COL5A1: variants seen among roughly 807,000 people sequenced by gnomAD.
COL5A1 encodes collagen alpha-1(V) chain.
COL5A1 carries 16 observed loss-of-function variants against 263.7 expected under a neutral mutation model. The ratio of observed to expected loss-of-function variants is 0.06; its 90% confidence interval spans 0.04 to 0.09. COL5A1 has a LOEUF of 0.09. COL5A1 is among the 10% of genes least tolerant of loss of function. The probability of loss-of-function intolerance (pLI) is 1.00; values close to 1 mark genes in which losing one functional copy is unlikely to be tolerated. For synonymous variants in COL5A1, 1,012 were observed against 1,004.5 expected (o/e 1.01, Z -0.14); for missense variants, 2,036 against 2,540.5 (o/e 0.80, Z 4.27).
chr9:134,751,520 G>T (rs971714972), intron 13 of COL5A1, among the ~76,000 whole-genome samples: 1 of 152,212 alleles, frequency 6.6e-6, no homozygotes, highest in Non-Finnish European at 1.5e-5. Context: ...CTCACTCTCA[G>T]CCTGGGGGGT....
chr9:134,813,839 G>C, intron 48 of COL5A1, 144 bp from the exon 49 acceptor site: 1 of 787,346 alleles, frequency 1.3e-6, no homozygotes, highest in Non-Finnish European at 2.2e-6. Context: ...GAGTGTGTGG[G>C]GACAGCACTC....
intron 1 of COL5A1, among the ~76,000 whole-genome samples, chr9:134,674,878 C>T (rs1362741118): frequency 6.7e-6 from 1 of 150,276 alleles, no homozygotes; most frequent in Non-Finnish European, 1.5e-5. Context: ...GAGACTCCAT[C>T]TCAAAAAAAA....
intron 19 of COL5A1, among the ~76,000 whole-genome samples, chr9:134,763,431 C>A (rs1836542687): frequency 6.6e-6 from 1 of 152,238 alleles, no homozygotes; most frequent in South Asian, 2.1e-4. Context: ...TCTTTCTGCC[C>A]AGCCTTTCCT....
At chr9:134,668,811 C>G (rs1398445915) in intron 1 of COL5A1, among the ~76,000 whole-genome samples, 4 of 152,104 alleles carry the variant, frequency 2.6e-5, no homozygotes, top group Non-Finnish European at 4.4e-5. Flanking sequence ...GTTCATCCAC[C>G]TGTCCACCCA....
intron 37 of COL5A1, among the ~76,000 whole-genome samples, 184 bp downstream of exon 37, chr9:134,798,645 G>A (rs898044872): frequency 2.4e-5 from 1 of 41,364 alleles, no homozygotes; most frequent in Non-Finnish European, 5.2e-5. Flanking sequence ...TGTGAGGCAG[G>A]GCCAGGGCAG....
At chr9:134,656,233 G>C (rs1229365736) in intron 1 of COL5A1, among the ~76,000 whole-genome samples, 1 of 152,104 alleles carries the variant, frequency 6.6e-6, no homozygotes, top group Non-Finnish European at 1.5e-5. Context: ...CCAGTTGAGG[G>C]TACTTTGGGA....
intron 4 of COL5A1, among the ~76,000 whole-genome samples, chr9:134,702,273 C>A (rs1419374221): frequency 6.6e-6 from 1 of 152,182 alleles, no homozygotes; most frequent in East Asian, 1.9e-4. Flanking sequence ...AAAACCTGTT[C>A]GAAAGCCACT....
At position 134,842,647 on chromosome 9, in the gene COL5A1, T is replaced by C. The variant is rs537953574; in HGVS notation, c.*344T>C. 1 of 419,458 alleles carries C rather than the reference T, an allele frequency of 2.4e-6. No individual in the cohort carries two copies. The highest frequency in any genetic ancestry group is 4.3e-5 in the East Asian group (1 of 23,138). The allele number at this position is 419,458 out of a possible 1,614,324, so 26.0% of individuals were successfully genotyped here. ...CCTGTTCGTGAATAGGTCTCAGGGGTTGGGGGAGGGACTGCCAGATTTGGA... is the reference window on the plus strand; with the variant it reads ...CCTGTTCGTGAATAGGTCTCAGGGGCTGGGGGAGGGACTGCCAGATTTGGA... On this transcript the variant is annotated 3_prime_UTR_variant, in exon 66 of 66. Transcript: ENST00000371817. The surrounding 1 kb of genome is among the most constrained non-coding windows in gnomAD (Gnocchi z 5.8).
rs374020067 is a variant in COL5A1, at chr9:134,732,083, C to T, written c.1345C>T (p.Arg449Trp). 100 of 1,614,034 alleles carry T rather than the reference C, an allele frequency of 6.2e-5. No homozygotes were observed. Among genetic ancestry groups the T allele is most frequent in the Admixed American group, 1.8e-4 (11 of 60,004 alleles). The part of the protein sequence containing the change: ...DTIYEGIGGP[R>W]GEKGQKGEPA... ...TTATCACCCCCAGATTGGAGGACCTCGGGGCGAGAAAGGCCAAAAGGGAGA... is the reference window on the plus strand; with the variant it reads ...TTATCACCCCCAGATTGGAGGACCTTGGGGCGAGAAAGGCCAAAAGGGAGA... The change falls in exon 9 of 66, where the codon CGG (arginine) becomes TGG (tryptophan). Residue 449 changes from arginine (R) to tryptophan (W), a missense_variant. Coordinates refer to ENST00000371817, the MANE Select transcript of COL5A1 (RefSeq NM_000093.5).
intron 18 of COL5A1, among the ~76,000 whole-genome samples, chr9:134,760,065 C>T (rs1267042740): frequency 3.9e-5 from 5 of 127,276 alleles, no homozygotes; most frequent in African/African-American, 6.0e-5. Context: ...CACCCCCACA[C>T]TCATACATGC....
chr9:134,650,328 T>C (rs149442654), intron 1 of COL5A1, among the ~76,000 whole-genome samples: 275 of 152,262 alleles, frequency 1.8e-3, no homozygotes, highest in African/African-American at 6.3e-3. Context: ...CGTCTTCCAT[T>C]CTGCTGGCGG....
intron 1 of COL5A1, among the ~76,000 whole-genome samples, chr9:134,651,586 C>T (rs1462827819): frequency 6.6e-6 from 1 of 152,254 alleles, no homozygotes. Flanking sequence ...TTTCGTCTTT[C>T]TTCTGGAGGA....
At chr9:134,782,809 G>A (rs1837312736) in intron 29 of COL5A1, 89 bp downstream of exon 29, 11 of 1,273,840 alleles carry the variant, frequency 8.6e-6, no homozygotes, top group Non-Finnish European at 1.1e-5. Context: ...CCGCCACAGG[G>A]CAGCTTCTCA....
chr9:134,795,624 C>T (rs923990541), intron 34 of COL5A1, among the ~76,000 whole-genome samples: 2 of 152,178 alleles, frequency 1.3e-5, no homozygotes, highest in African/African-American at 2.4e-5. Context: ...CAGACTCACC[C>T]GCCCTGGTCG....
chr9:134,747,235 C>T (rs886306993), intron 11 of COL5A1, among the ~76,000 whole-genome samples: 6 of 152,176 alleles, frequency 3.9e-5, no homozygotes, highest in African/African-American at 9.7e-5. Flanking sequence ...TTCCGGGTGT[C>T]GGTGAGAAGC....
chr9:134,771,596 A>G (rs1374596401), intron 25 of COL5A1, among the ~76,000 whole-genome samples: 3 of 152,248 alleles, frequency 2.0e-5, no homozygotes, highest in Non-Finnish European at 4.4e-5. Flanking sequence ...TAAAAGTCAC[A>G]CACGAACCAT....
intron 4 of COL5A1, among the ~76,000 whole-genome samples, chr9:134,723,119 G>A: frequency 6.6e-6 from 1 of 152,178 alleles, no homozygotes; most frequent in Non-Finnish European, 1.5e-5. Context: ...AGAGGAACCT[G>A]TCACCCAGTG....
chr9:134,692,215 G>T (rs1411818636), intron 2 of COL5A1, among the ~76,000 whole-genome samples: 1 of 152,150 alleles, frequency 6.6e-6, no homozygotes, highest in East Asian at 1.9e-4. Context: ...AGGTGAAGTG[G>T]CCTGGGACCC....
chr9:134,817,104 T>G, intron 53 of COL5A1, 25 bp downstream of exon 53: 2 of 1,607,516 alleles, frequency 1.2e-6, no homozygotes, highest in Non-Finnish European at 1.7e-6. Flanking sequence ...AGGCACATCC[T>G]TGCTGTCAAA....
Sources: allele counts gnomAD v4.1 joint callset (sites outside exome capture counted in the v4.1 genomes callset), GRCh38; gene constraint gnomAD v4.1.1; non-coding constraint Gnocchi (gnomAD v3.1); transcripts MANE v1.5; gene names NCBI Gene and HGNC (gene_info 2026-07-23, HGNC 2026-07-21).